The following KCNJ16 variants were observed in gnomAD, a reference collection of about 807,000 sequenced individuals.
KCNJ16 encodes the protein inward rectifier potassium channel 16.
KCNJ16 carries 15 observed loss-of-function variants against 18.5 expected under a neutral mutation model. The observed-to-expected ratio is 0.81, with a 90% confidence interval of 0.54 to 1.25. The LOEUF is 1.25. Among genes scored for constraint, KCNJ16 ranks in the 50% most tolerant of loss-of-function variants. The probability of loss-of-function intolerance (pLI) is 0.00; values close to 1 mark genes in which losing one functional copy is unlikely to be tolerated. For missense variants in KCNJ16, 523 were observed against 525.7 expected, an observed-to-expected ratio of 0.99 and a Z score of 0.05; for synonymous variants, 174 against 186.5, an observed-to-expected ratio of 0.93 and a Z score of 0.55.
intron 2 of KCNJ16, among the ~76,000 whole-genome samples, chr17:70,111,821 C>T (rs1045452277): frequency 6.6e-6 from 1 of 152,046 alleles, no homozygotes; most frequent in African/African-American, 2.4e-5. Context: ...TTGCTGCTGC[C>T]AAGTAAGAAG....
chr17:70,130,558 C>A (rs1244880313), intron 2 of KCNJ16, among the ~76,000 whole-genome samples: 2 of 152,042 alleles, frequency 1.3e-5, no homozygotes, highest in African/African-American at 4.8e-5. Flanking sequence ...GTAAAGTGGG[C>A]CTGATCCCTG....
intron 2 of KCNJ16, among the ~76,000 whole-genome samples, chr17:70,122,837 G>A (rs2073699613): frequency 6.6e-6 from 1 of 152,090 alleles, no homozygotes; most frequent in Non-Finnish European, 1.5e-5. Context: ...AGCCTAGTTC[G>A]TGAAGTTCTG....
chr17:70,092,572 TAG>T (rs1202128333), intron 1 of KCNJ16, among the ~76,000 whole-genome samples: 3 of 137,542 alleles, frequency 2.2e-5, no homozygotes, highest in Non-Finnish European at 3.2e-5. Context: ...TAGATATAGA[TAG>T]ATAGATAGAT....
intron 2 of KCNJ16, among the ~76,000 whole-genome samples, chr17:70,103,601 C>T (rs2072775295): frequency 1.3e-5 from 2 of 151,962 alleles, no homozygotes; most frequent in South Asian, 4.1e-4. Flanking sequence ...ATTAGGCTGT[C>T]CCAGGCCTTC....
rs2074185355 is a variant in KCNJ16 at position 70,135,229 on chromosome 17, T to C, written c.*1885T>C. On this transcript the variant is annotated 3_prime_UTR_variant, in exon 4 of 4. Coordinates refer to ENST00000392671, the MANE Select transcript of KCNJ16 (RefSeq NM_170741.4). ...TTGTGCGCTCTGTAGATTTGGATTT[T>C]ACAGCAGCAATTACTTGGCTAAATT... 1 of 166,988 alleles carries C rather than the reference T, an allele frequency of 6.0e-6. No homozygotes were observed. The highest frequency in any genetic ancestry group is 1.5e-5 in the Non-Finnish European group (1 of 68,124). The allele number at this position is 166,988 out of a possible 1,614,324, so 10.3% of individuals were successfully genotyped here.
In KCNJ16 at chr17:70,132,130, G is replaced by T. The variant is rs767020949; in HGVS notation, c.43G>T (p.Ala15Ser). The change falls in exon 4 of 4, where the codon GCA becomes TCA. Residue 15 changes from alanine (A) to serine (S), a missense_variant. Ala to Ser is a moderately conservative substitution (Grantham distance 99). Transcript: ENST00000392671. ...CAGCTATCATATTATCAATGCGGAC[G>T]CAAAATACCCAGGCTACCCGCCAGA... ...GSSYHIINADAKYPGYPPEHI... is the reference protein window; with the variant it reads ...GSSYHIINADSKYPGYPPEHI... 7 of 1,613,996 alleles carry T rather than the reference G, an allele frequency of 4.3e-6. No individual in the cohort carries two copies. Among genetic ancestry groups the T allele is most frequent in the Non-Finnish European group, 5.9e-6 (7 of 1,180,034 alleles).
intron 2 of KCNJ16, among the ~76,000 whole-genome samples, chr17:70,112,237 T>C (rs533580851): frequency 3.9e-4 from 59 of 152,324 alleles, no homozygotes; most frequent in Admixed American, 1.2e-3. Context: ...TGGCCAAATA[T>C]GAATAACAGG....
intron 2 of KCNJ16, among the ~76,000 whole-genome samples, chr17:70,103,608 C>A (rs1386425767): frequency 6.6e-6 from 1 of 151,970 alleles, no homozygotes; most frequent in East Asian, 1.9e-4. Context: ...TGTCCCAGGC[C>A]TTCGTCATTG....
chr17:70,103,968 TTC>T (rs2072794425), intron 2 of KCNJ16, among the ~76,000 whole-genome samples: 1 of 142,054 alleles, frequency 7.0e-6, no homozygotes, highest in South Asian at 2.2e-4. Flanking sequence ...CAGGATTTCA[TTC>T]TGTCACCTGG....
In KCNJ16 at chr17:70,126,318, T is replaced by C. The variant is rs551098159; in HGVS notation, c.-190-4561T>C. On this transcript the variant is annotated intron_variant, in intron 2 of 3. Coordinates refer to ENST00000392671, the MANE Select transcript of KCNJ16 (RefSeq NM_170741.4). ...ATTCTCTTAACTGTAAATATCCTGT[T>C]AACTAAGAATGCCTAACCTCCTGGG... Among the ~76,000 whole-genome samples, 6 of 152,306 alleles carry C rather than the reference T, an allele frequency of 3.9e-5. No homozygotes were observed. In the South Asian group the frequency reaches 1.2e-3, roughly 32 times the overall value.
At chr17:70,128,553 T>C (rs2073940158) in intron 2 of KCNJ16, 1 of 152,160 alleles carries the variant, frequency 6.6e-6, no homozygotes, top group Non-Finnish European at 1.5e-5. Flanking sequence ...TCTAGCCTCA[T>C]CTATAAAAGA....
In KCNJ16 at chr17:70,118,428, T is replaced by C. The variant is rs1038232495; in HGVS notation, c.-190-12451T>C. Among the ~76,000 whole-genome samples, 6 of 151,734 alleles carry C rather than the reference T, an allele frequency of 4.0e-5. No individual in the cohort carries two copies. The East Asian group carries it at 1.2e-3, about 29-fold the overall frequency. On this transcript the variant is annotated intron_variant, in intron 2 of 3. Transcript: ENST00000392671. ...TATCATTTAAAAAAAGAAAAATAAA[T>C]AAATAAACAAATAAATGCTGAAAAA...
intron 2 of KCNJ16, among the ~76,000 whole-genome samples, chr17:70,124,131 G>A (rs372365826): frequency 1.3e-5 from 2 of 152,326 alleles, no homozygotes; most frequent in South Asian, 2.1e-4. Context: ...TCTGAGTTGA[G>A]AGCATTTTAA....
chr17:70,120,002 T>C (rs2073567595), intron 2 of KCNJ16, among the ~76,000 whole-genome samples: 1 of 152,212 alleles, frequency 6.6e-6, no homozygotes, highest in South Asian at 2.1e-4. Context: ...AGGTCATTTC[T>C]TTGCTCTTGC....
intron 1 of KCNJ16, chr17:70,096,869 T>C (rs1021728870): frequency 1.8e-5 from 7 of 398,116 alleles, no homozygotes; most frequent in African/African-American, 1.2e-4. Flanking sequence ...ATAAACTTTA[T>C]TGTTTAGAGT....
intron 2 of KCNJ16, among the ~76,000 whole-genome samples, chr17:70,102,887 CCTGA>C (rs938882422): frequency 1.6e-4 from 24 of 152,106 alleles, no homozygotes; most frequent in African/African-American, 5.3e-4. Context: ...TTGTCCTTAT[CCTGA>C]CTGATTGTTA....
At chr17:70,130,637 A>C (rs981496753) in intron 2 of KCNJ16, among the ~76,000 whole-genome samples, 3 of 152,194 alleles carry the variant, frequency 2.0e-5, no homozygotes, top group Non-Finnish European at 4.4e-5. Context: ...GCAGCAGAGA[A>C]GGTGCTGAAC....
chr17:70,096,279 CTACT>C (rs2072367711), intron 1 of KCNJ16, among the ~76,000 whole-genome samples: 1 of 152,064 alleles, frequency 6.6e-6, no homozygotes, highest in Admixed American at 6.5e-5. Context: ...CTTTGTGGAA[CTACT>C]TAGAGGTCAT....
intron 1 of KCNJ16, among the ~76,000 whole-genome samples, chr17:70,099,416 T>C (rs944920004): frequency 3.9e-5 from 6 of 152,118 alleles, no homozygotes; most frequent in Non-Finnish European, 8.8e-5. Context: ...AGGAAGATCT[T>C]GTGAAAGCTA....
Sources: gnomAD v4.1 joint callset for allele counts (sites outside exome capture counted in the v4.1 genomes callset) on GRCh38, gnomAD v4.1.1 for gene constraint, MANE v1.5 for transcripts, NCBI Gene and HGNC (gene_info 2026-07-23, HGNC 2026-07-21) for gene names.